COL25A1: variants seen among roughly 807,000 people sequenced by gnomAD.
COL25A1 encodes collagen type XXV alpha 1 chain.
Under a neutral mutation model 128.4 loss-of-function variants are expected in COL25A1, and 103 were observed. The observed-to-expected ratio is 0.80, with a 90% CI of 0.68 to 0.94. COL25A1 has a LOEUF of 0.94. Ranked by LOEUF, COL25A1 falls within the 40% of genes least tolerant of loss-of-function variation. The probability of loss-of-function intolerance (pLI) is 0.00; values close to 1 mark genes in which losing one functional copy is unlikely to be tolerated. For missense variants in COL25A1, 745 were observed against 840.0 expected, an observed-to-expected ratio of 0.89 and a Z score of 1.40; for synonymous variants, 279 against 277.2, an observed-to-expected ratio of 1.01 and a Z score of -0.06.
chr4:109,166,995 G>T (rs1237601864), intron 3 of COL25A1, among the ~76,000 whole-genome samples: 1 of 152,144 alleles, frequency 6.6e-6, no homozygotes, highest in East Asian at 1.9e-4. Context: ...TGCCTTTGAA[G>T]TTGGAGAGTT....
intron 5 of COL25A1, among the ~76,000 whole-genome samples, chr4:109,014,168 G>C (rs556216638): frequency 8.5e-5 from 13 of 152,226 alleles, no homozygotes; most frequent in African/African-American, 3.1e-4. Context: ...TTAGCTGGGC[G>C]TGGTGGCACG....
chr4:109,175,086 T>C (rs1033543167), intron 3 of COL25A1, among the ~76,000 whole-genome samples: 1 of 152,202 alleles, frequency 6.6e-6, no homozygotes, highest in Non-Finnish European at 1.5e-5. Context: ...CACTCCCATC[T>C]GTGTAAAAGT....
chr4:108,939,429 T>A (rs1182648270), intron 10 of COL25A1, among the ~76,000 whole-genome samples: 1 of 152,178 alleles, frequency 6.6e-6, no homozygotes, highest in Non-Finnish European at 1.5e-5. Context: ...GAAAGGGATA[T>A]GGGCTTATGA....
intron 6 of COL25A1, among the ~76,000 whole-genome samples, chr4:108,995,997 C>A (rs112294856): frequency 6.6e-6 from 1 of 152,076 alleles, no homozygotes; most frequent in Non-Finnish European, 1.5e-5. Context: ...ACAACCGGTA[C>A]CAGCCACTGC....
intron 3 of COL25A1, among the ~76,000 whole-genome samples, chr4:109,149,952 G>T (rs6823174): frequency 0.02 from 3,059 of 151,744 alleles, 100 homozygotes; most frequent in South Asian, 0.13. Context: ...ATGTGTGTGT[G>T]TGTGTGTACC....
At chr4:109,100,902 G>C (rs1157271015) in intron 3 of COL25A1, among the ~76,000 whole-genome samples, 1 of 152,126 alleles carries the variant, frequency 6.6e-6, no homozygotes. Context: ...TAGACATTCA[G>C]GCAGTGATGG....
chr4:108,904,918 T>G (rs67787717), intron 13 of COL25A1, among the ~76,000 whole-genome samples: 1 of 138,746 alleles, frequency 7.2e-6, no homozygotes, highest in Non-Finnish European at 1.6e-5. Context: ...ATTTTTTTTT[T>G]AAAAAAACAA....
chr4:109,066,271 T>G (rs3113688), intron 3 of COL25A1, among the ~76,000 whole-genome samples: 1 of 152,158 alleles, frequency 6.6e-6, no homozygotes, highest in Non-Finnish European at 1.5e-5. Context: ...TGCCTCTTTT[T>G]CTAATACCTG....
chr4:108,884,501 AG>A (rs1740539291), intron 18 of COL25A1, among the ~76,000 whole-genome samples: 1 of 152,184 alleles, frequency 6.6e-6, no homozygotes, highest in African/African-American at 2.4e-5. Context: ...TCAAAAGAGA[AG>A]AAACTCCCAT....
At chr4:109,017,064 C>G (rs1265038158) in intron 5 of COL25A1, among the ~76,000 whole-genome samples, 1 of 152,230 alleles carries the variant, frequency 6.6e-6, no homozygotes, top group Non-Finnish European at 1.5e-5. Context: ...CTCTTCGGGG[C>G]TCTGTGATTT....
chr4:109,023,271 T>C (rs1418196396), intron 5 of COL25A1, among the ~76,000 whole-genome samples: 3 of 152,158 alleles, frequency 2.0e-5, no homozygotes. Context: ...ATGCCAGACA[T>C]TTGTGCAGGC....
At chr4:109,047,472 C>T (rs997934081) in intron 5 of COL25A1, among the ~76,000 whole-genome samples, 1 of 151,582 alleles carries the variant, frequency 6.6e-6, no homozygotes, top group Non-Finnish European at 1.5e-5. Flanking sequence ...TTTGGGGACT[C>T]GGGGGAAAAG....
chr4:109,268,391 T>A (rs1781935419), intron 3 of COL25A1, among the ~76,000 whole-genome samples: 1 of 152,142 alleles, frequency 6.6e-6, no homozygotes, highest in African/African-American at 2.4e-5. Context: ...CTGCCCAAGT[T>A]TATAAAGGAT....
rs73838541 is a variant in COL25A1, at chr4:109,164,009, C to G, written c.368-113830G>C. ...TAATATAAATTAACGAGTGGTATGG[C>G]TCAGTTTTAATTACTGAAAATTATG... On this transcript the variant is annotated intron_variant, in intron 3 of 37. Transcript: ENST00000399132. Among the ~76,000 whole-genome samples the G allele has an allele frequency of 5.5e-3, 842 of 152,094 alleles. 14 individuals are homozygous for G. The highest frequency in any genetic ancestry group is 0.019 in the African/African-American group (794 of 41,482).
intron 3 of COL25A1, among the ~76,000 whole-genome samples, chr4:109,196,596 G>T (rs1443570877): frequency 6.6e-6 from 1 of 152,088 alleles, no homozygotes; most frequent in African/African-American, 2.4e-5. Context: ...TTCGAAGAAA[G>T]GTTTTATTTT....
intron 6 of COL25A1, among the ~76,000 whole-genome samples, chr4:108,979,378 T>C (rs1752738398): frequency 6.6e-6 from 1 of 152,240 alleles, no homozygotes; most frequent in Admixed American, 6.5e-5. Context: ...AATTTCAATC[T>C]ACATAACAGC....
rs543695158 is a variant in COL25A1, at chr4:109,087,996, G to A, written c.368-37817C>T. Among the ~76,000 whole-genome samples the A allele has an allele frequency of 2.0e-5, 3 of 151,266 alleles. No individual in the cohort carries two copies. In the South Asian group the frequency reaches 6.2e-4, roughly 32 times the overall value. Reference sequence around the variant, plus strand: ...TATTTAATACTCTGAAGCTTCTGTGGTAATGAATGGACTCTAAGTTTCCTT... The same window carrying A: ...TATTTAATACTCTGAAGCTTCTGTGATAATGAATGGACTCTAAGTTTCCTT... On this transcript the variant is annotated intron_variant, in intron 3 of 37. Coordinates refer to ENST00000399132, the MANE Select transcript of COL25A1 (RefSeq NM_198721.4).
chr4:109,001,372 C>CAGGCATCTGAGATCCTGACAGGT (rs1755351329), intron 6 of COL25A1, among the ~76,000 whole-genome samples: 2 of 24,148 alleles, frequency 8.3e-5, no homozygotes, highest in South Asian at 2.3e-3. Flanking sequence ...TTAAAAGAAA[C>CAGGCATCTGAGATCCTGACAGGT]AGGCATCTGA....
intron 3 of COL25A1, among the ~76,000 whole-genome samples, chr4:109,189,076 C>T (rs1180436903): frequency 6.6e-6 from 1 of 151,928 alleles, no homozygotes; most frequent in Non-Finnish European, 1.5e-5. Flanking sequence ...AATATTTCAT[C>T]GTGTATTCTA....
Sources: gnomAD v4.1 joint callset for allele counts (sites outside exome capture counted in the v4.1 genomes callset) on GRCh38, gnomAD v4.1.1 for gene constraint, MANE v1.5 for transcripts, NCBI Gene and HGNC (gene_info 2026-07-23, HGNC 2026-07-21) for gene names.